The following CNTNAP3 variants were observed in gnomAD, a reference collection of about 807,000 sequenced individuals.
CNTNAP3 encodes contactin associated protein family member 3.
In CNTNAP3, 36 loss-of-function variants were observed where a neutral mutation model predicts 92.1. The ratio of observed to expected loss-of-function variants is 0.39; its 90% CI spans 0.30 to 0.52. The LOEUF is 0.52. CNTNAP3 is among the 20% of genes least tolerant of loss of function. The pLI, the probability that CNTNAP3 is intolerant of heterozygous loss-of-function variation, is 0.76. For missense variants in CNTNAP3, 534 were observed against 1,069.6 expected, an observed-to-expected ratio of 0.50 and a Z score of 6.98; for synonymous variants, 232 against 422.3, an observed-to-expected ratio of 0.55 and a Z score of 5.53.
intron 21 of CNTNAP3, among the ~76,000 whole-genome samples, chr9:39,083,554 G>A (rs1223936350): frequency 1.3e-5 from 2 of 151,860 alleles, no homozygotes; most frequent in African/African-American, 4.8e-5. Flanking sequence ...AGCTACTCAG[G>A]AAGCTGAGGC....
rs1385608456 is a variant in CNTNAP3 at position 39,071,606 on chromosome 9, G to C, written c.*2284C>G. On this transcript the variant is annotated 3_prime_UTR_variant, in exon 24 of 24. Coordinates refer to ENST00000297668, the MANE Select transcript of CNTNAP3 (RefSeq NM_033655.5). The stretch of plus-strand genomic sequence containing the variant: ...TACAAAAGGGTGTTACTTGCAACTA[G>C]CATCTATGTATCTAAATAACGTTTA... Among the ~76,000 whole-genome samples, 3 of 151,982 alleles carry C rather than the reference G, an allele frequency of 2.0e-5. No homozygotes were observed. The highest frequency in any genetic ancestry group is 7.2e-5 in the African/African-American group (3 of 41,392).
chr9:39,087,050 G>T (rs1198308550), intron 19 of CNTNAP3, among the ~76,000 whole-genome samples: 2 of 152,092 alleles, frequency 1.3e-5, no homozygotes, highest in East Asian at 3.9e-4. Flanking sequence ...TGAGTCCAAT[G>T]ATGCTATTTG....
At chr9:39,123,012 C>T (rs56251344) in intron 13 of CNTNAP3, among the ~76,000 whole-genome samples, 14,219 of 150,594 alleles carry the variant, frequency 0.094, 761 homozygotes, top group African/African-American at 0.15. Context: ...TTTGAAGATA[C>T]GTCAATAAAA....
At chr9:39,170,360 C>T (rs533328561) in intron 8 of CNTNAP3, among the ~76,000 whole-genome samples, 1 of 98,396 alleles carries the variant, frequency 1.0e-5, no homozygotes, top group Non-Finnish European at 1.8e-5. Context: ...TATGATTACC[C>T]CCTGGTCTCA....
chr9:39,107,746 T>TG (rs1194283159), intron 15 of CNTNAP3, among the ~76,000 whole-genome samples: 3 of 152,090 alleles, frequency 2.0e-5, no homozygotes, highest in Non-Finnish European at 2.9e-5. Flanking sequence ...AAAAAATGTA[T>TG]GGGGGGCAAA....
chr9:39,094,020 C>T (rs1168526268), intron 18 of CNTNAP3, among the ~76,000 whole-genome samples: 1 of 147,152 alleles, frequency 6.8e-6, no homozygotes, highest in Non-Finnish European at 1.5e-5. Context: ...CTTGCCAAAA[C>T]TTGTTATTTT....
At chr9:39,114,973 G>A (rs1248611650) in intron 14 of CNTNAP3, among the ~76,000 whole-genome samples, 1 of 150,194 alleles carries the variant, frequency 6.7e-6, no homozygotes, top group Non-Finnish European at 1.5e-5. Context: ...TTGACTTGCA[G>A]CATAGTTCAA....
At chr9:39,139,632 C>T (rs1024759346) in intron 12 of CNTNAP3, 6 of 152,128 alleles carry the variant, frequency 3.9e-5, no homozygotes, top group African/African-American at 1.4e-4. Context: ...TCCAGATTTC[C>T]ACTTTGCAGA....
chr9:39,238,350 C>CA (rs1174376017), intron 3 of CNTNAP3, among the ~76,000 whole-genome samples: 1 of 632 alleles, frequency 1.6e-3, no homozygotes, highest in African/African-American at 1.7e-3. Flanking sequence ...ACTAAAAATA[C>CA]AAAAAAAAAA....
intron 15 of CNTNAP3, among the ~76,000 whole-genome samples, chr9:39,107,644 A>C (rs915457615): frequency 6.6e-6 from 1 of 152,200 alleles, no homozygotes; most frequent in African/African-American, 2.4e-5. Context: ...AACACAGCTG[A>C]TAACAAATTA....
rs1826418664 is a variant in CNTNAP3 at position 39,100,048 on chromosome 9, C to G, written c.2858G>C (p.Gly953Ala). The G allele has an allele frequency of 1.3e-6, 2 of 1,582,064 alleles. No individual in the cohort carries two copies. Among genetic ancestry groups the G allele is most frequent in the Non-Finnish European group, 8.6e-7 (1 of 1,163,270 alleles). Reference protein sequence around the residue: ...DLEERATVTPGVEPGCAGHCS... With the variant: ...DLEERATVTPAVEPGCAGHCS... Reference sequence around the variant, plus strand: ...GTGTCCTGCACACCCTGGCTCCACTCCTGGCGTCACTGTGGCTCTTTCTTC... The same window carrying G: ...GTGTCCTGCACACCCTGGCTCCACTGCTGGCGTCACTGTGGCTCTTTCTTC... Residue 953 changes from glycine (G) to alanine (A), a missense_variant, in exon 18 of 24, where the codon GGA becomes GCA. By Grantham distance (60) the Gly-to-Ala change is moderately conservative. Coordinates refer to ENST00000297668, the MANE Select transcript of CNTNAP3 (RefSeq NM_033655.5).
At chr9:39,145,637 C>T (rs1389754613) in intron 10 of CNTNAP3, among the ~76,000 whole-genome samples, 1 of 137,378 alleles carries the variant, frequency 7.3e-6, no homozygotes, top group Non-Finnish European at 1.6e-5. Flanking sequence ...CCCCAGCCCC[C>T]TATCCTGGCT....
intron 14 of CNTNAP3, among the ~76,000 whole-genome samples, chr9:39,116,897 T>G: frequency 6.6e-6 from 1 of 152,160 alleles, no homozygotes; most frequent in East Asian, 1.9e-4. Context: ...AACTCCATTT[T>G]TAGGAATCAA....
In CNTNAP3 at chr9:39,143,474, C is replaced by T. The variant is rs1371838499; in HGVS notation, c.1756+766G>A. On this transcript the variant is annotated intron_variant, in intron 11 of 23. Coordinates refer to ENST00000297668, the MANE Select transcript of CNTNAP3 (RefSeq NM_033655.5). ...TGGAGCCAACCTCCTTAGCTCAACT[C>T]CTCATCTTCCCACAAACTAGCTGGG... Among the ~76,000 whole-genome samples, 2 of 152,048 alleles carry T rather than the reference C, an allele frequency of 1.3e-5. 1 individual carries two copies. The highest frequency in any genetic ancestry group is 2.9e-5 in the Non-Finnish European group (2 of 67,992).
At chr9:39,124,051 T>C (rs1318637031) in intron 13 of CNTNAP3, among the ~76,000 whole-genome samples, 1 of 152,076 alleles carries the variant, frequency 6.6e-6, no homozygotes, top group Admixed American at 6.6e-5. Context: ...TCTTAATTGA[T>C]GTAATAGGTA....
chr9:39,115,805 T>C (rs1420713330), intron 14 of CNTNAP3, among the ~76,000 whole-genome samples: 1 of 152,002 alleles, frequency 6.6e-6, no homozygotes, highest in Non-Finnish European at 1.5e-5. Context: ...GTTCCTCCCA[T>C]TCCCCTCCTC....
At chr9:39,120,482 T>G (rs1480267650) in intron 13 of CNTNAP3, among the ~76,000 whole-genome samples, 1 of 152,086 alleles carries the variant, frequency 6.6e-6, no homozygotes, top group Admixed American at 6.5e-5. Context: ...CCATCCTGGC[T>G]AACACGGTGA....
At chr9:39,082,165 C>T (rs1249758827) in intron 21 of CNTNAP3, among the ~76,000 whole-genome samples, 1 of 151,604 alleles carries the variant, frequency 6.6e-6, no homozygotes, top group African/African-American at 2.4e-5. Context: ...ATACTAGCCA[C>T]ATTTCTAGTG....
At chr9:39,092,472 C>T (rs1333786545) in intron 18 of CNTNAP3, among the ~76,000 whole-genome samples, 2 of 134,352 alleles carry the variant, frequency 1.5e-5, no homozygotes, top group Non-Finnish European at 3.2e-5. Flanking sequence ...ATCTCAAAAC[C>T]TTTTCTAATT....
Sources: allele counts gnomAD v4.1 joint callset (sites outside exome capture counted in the v4.1 genomes callset), GRCh38; gene constraint gnomAD v4.1.1; transcripts MANE v1.5; gene names NCBI Gene and HGNC (gene_info 2026-07-23, HGNC 2026-07-21).